Variants in ABLIM3 observed in about 807,000 individuals in gnomAD.
ABLIM3 encodes the protein actin-binding LIM protein 3.
In ABLIM3, 61 loss-of-function variants were observed where a neutral mutation model predicts 109.5. The ratio of observed to expected loss-of-function variants is 0.56; its 90% confidence interval spans 0.45 to 0.69. ABLIM3 has a LOEUF of 0.69. ABLIM3 is among the 30% of genes least tolerant of loss of function. The probability of loss-of-function intolerance (pLI) is 0.00; values close to 1 mark genes in which losing one functional copy is unlikely to be tolerated. For synonymous variants in ABLIM3, 300 were observed against 324.8 expected, an observed-to-expected ratio of 0.92 and a Z score of 0.82; for missense variants, 796 against 889.5, an observed-to-expected ratio of 0.89 and a Z score of 1.34.
intron 2 of ABLIM3, among the ~76,000 whole-genome samples, chr5:149,159,447 T>C (rs1214945132): frequency 6.6e-6 from 1 of 152,212 alleles, no homozygotes; most frequent in Non-Finnish European, 1.5e-5. Context: ...TTGATTAAAC[T>C]GTTGTGGGCT....
At chr5:149,249,393 A>G (rs957743344) in intron 18 of ABLIM3, among the ~76,000 whole-genome samples, 3 of 152,226 alleles carry the variant, frequency 2.0e-5, no homozygotes, top group Non-Finnish European at 2.9e-5. Flanking sequence ...AGAAAACCAA[A>G]GCGTGATTAA....
At chr5:149,164,823 T>C (rs1754682341) in intron 2 of ABLIM3, among the ~76,000 whole-genome samples, 1 of 152,216 alleles carries the variant, frequency 6.6e-6, no homozygotes, top group South Asian at 2.1e-4. Context: ...TATATGTAGA[T>C]GATCATATTT....
Position 149,230,693 on chromosome 5 carries a change from G to A in ABLIM3, c.802G>A (p.Glu268Lys), listed in dbSNP as rs747269067. The change falls in exon 9 of 24, where the codon GAG becomes AAG. Residue 268 changes from glutamate (E) to lysine (K), a missense_variant. Coordinates refer to ENST00000309868, the MANE Select transcript of ABLIM3 (RefSeq NM_014945.5). ...CATCTGCAAACAGGCAGCCCGGGCA[G>A]AGAAGAAGTTAAAGGTAAGCAAGCT... ...HPICKQAARA[E>K]KKLKHRRTSE... is the part of the protein sequence containing the mutation. 2 of 1,614,070 alleles carry A rather than the reference G, an allele frequency of 1.2e-6. No homozygotes were observed. Among genetic ancestry groups the A allele is most frequent in the East Asian group, 2.2e-5 (1 of 44,862 alleles).
At position 149,259,103 on chromosome 5, in the gene ABLIM3, C is replaced by T. The variant is rs1754693765; in HGVS notation, c.*699C>T. The T allele has an allele frequency of 4.9e-6, 5 of 1,012,268 alleles. No homozygotes were observed. Among genetic ancestry groups the T allele is most frequent in the Non-Finnish European group, 5.9e-6 (5 of 846,338 alleles). 62.7% of individuals were successfully genotyped at this position (1,012,268 alleles called of 1,614,324 possible). A position where few individuals can be genotyped will look rare whatever the true frequency, so the allele number is the denominator to read the frequency against. On this transcript the variant is annotated 3_prime_UTR_variant, in exon 24 of 24. Transcript: ENST00000309868. Reference sequence around the variant, plus strand: ...AAGGAAAAGGCCCTTCCCTTCCCTCCACCACTTCCAACTGGCCCCTTTGCC... The same window carrying T: ...AAGGAAAAGGCCCTTCCCTTCCCTCTACCACTTCCAACTGGCCCCTTTGCC...
chr5:149,213,845 T>G (rs1759796814), intron 7 of ABLIM3, among the ~76,000 whole-genome samples: 1 of 152,126 alleles, frequency 6.6e-6, no homozygotes, highest in African/African-American at 2.4e-5. Flanking sequence ...GGAAGAGACT[T>G]TTAGCAATCA....
At chr5:149,208,984 T>C (rs529109730) in intron 6 of ABLIM3, among the ~76,000 whole-genome samples, 8 of 152,172 alleles carry the variant, frequency 5.3e-5, no homozygotes, top group Admixed American at 4.6e-4. Flanking sequence ...GCCAGGGCAG[T>C]AGGGGAGTGT....
At chr5:149,154,808 C>A (rs955308507) in intron 2 of ABLIM3, among the ~76,000 whole-genome samples, 1 of 152,204 alleles carries the variant, frequency 6.6e-6, no homozygotes, top group African/African-American at 2.4e-5. Context: ...CCTGCACACT[C>A]AACATGGTGT....
chr5:149,178,354 C>G (rs142079526), intron 2 of ABLIM3, among the ~76,000 whole-genome samples: 7 of 152,262 alleles, frequency 4.6e-5, no homozygotes, highest in Non-Finnish European at 7.4e-5. Context: ...TGTGGCATCC[C>G]CTGGGCCCTG....
intron 8 of ABLIM3, among the ~76,000 whole-genome samples, chr5:149,222,628 C>T (rs1486195260): frequency 6.6e-6 from 1 of 150,952 alleles, no homozygotes; most frequent in Non-Finnish European, 1.5e-5. Context: ...ACCCCAAACC[C>T]TTCTCTTGTG....
chr5:149,255,139 TC>T (rs1196899616), intron 23 of ABLIM3, among the ~76,000 whole-genome samples: 2 of 152,360 alleles, frequency 1.3e-5, no homozygotes, highest in East Asian at 3.9e-4. Context: ...CTAAAGCTGA[TC>T]ACCTAGTGAT....
chr5:149,163,526 C>T (rs1205274240), intron 2 of ABLIM3, among the ~76,000 whole-genome samples: 1 of 152,116 alleles, frequency 6.6e-6, no homozygotes, highest in African/African-American at 2.4e-5. Flanking sequence ...TTGGTTTCTT[C>T]TGAGTCCTCT....
rs186412435 is a variant in ABLIM3 at position 149,172,396 on chromosome 5, C to G, written c.14-11056C>G. 6.6e-5 allele frequency among the ~76,000 whole-genome samples: 10 copies of G among 152,254 alleles called. No individual in the cohort carries two copies. The East Asian group carries it at 1.9e-3, about 29-fold the overall frequency. On this transcript the variant is annotated intron_variant, in intron 2 of 23. Coordinates refer to ENST00000309868, the MANE Select transcript of ABLIM3 (RefSeq NM_014945.5). ...CCTCCAGTGGGTCATGGTCAAAAAA[C>G]GTTTGAAAACCACCGCCTGCCCCTG...
Position 149,259,699 on chromosome 5 carries a change from C to A in ABLIM3, c.*1295C>A. The A allele has an allele frequency of 8.8e-7, 1 of 1,138,446 alleles. No individual in the cohort carries two copies. Among genetic ancestry groups the A allele is most frequent in the Non-Finnish European group, 1.3e-6 (1 of 791,168 alleles). 70.5% of individuals were successfully genotyped at this position (1,138,446 alleles called of 1,614,324 possible). The stretch of plus-strand genomic sequence containing the variant: ...TTAACCTCTCTTCTCCTCTCCAAAC[C>A]TTTCACCTTGAATGGGTAATGTTTG... On this transcript the variant is annotated 3_prime_UTR_variant, in exon 24 of 24. Coordinates refer to ENST00000309868, the MANE Select transcript of ABLIM3 (RefSeq NM_014945.5).
chr5:149,211,174 A>G (rs1759520720), intron 7 of ABLIM3, among the ~76,000 whole-genome samples: 1 of 151,734 alleles, frequency 6.6e-6, no homozygotes, highest in Admixed American at 6.6e-5. Flanking sequence ...TTATTTAATT[A>G]TTTATTTTGT....
intron 14 of ABLIM3, among the ~76,000 whole-genome samples, chr5:149,241,261 G>A (rs145706941): frequency 2.4e-4 from 37 of 152,322 alleles, no homozygotes; most frequent in African/African-American, 7.5e-4. Flanking sequence ...CCCAGATCCT[G>A]CCTTCATGGT....
In ABLIM3 at chr5:149,247,869, A is replaced by C; in HGVS notation, c.1639A>C (p.Ser547Arg). 1 of 1,614,210 alleles carries C rather than the reference A, an allele frequency of 6.2e-7. No homozygotes were observed. The change falls in exon 18 of 24, where the codon AGC becomes CGC. Residue 547 changes from serine (S) to arginine (R), a missense_variant. By Grantham distance (110) the Ser-to-Arg change is moderately radical. Coordinates refer to ENST00000309868, the MANE Select transcript of ABLIM3 (RefSeq NM_014945.5). ...TGCAGATCCCTGGACCCCTCCCCGG[A>C]GCTCCACCAGCAGCCGGGAAGCCCT... Reference protein sequence around the residue: ...SYADPWTPPRSSTSSREALHT... With the variant: ...SYADPWTPPRRSTSSREALHT...
intron 3 of ABLIM3, among the ~76,000 whole-genome samples, chr5:149,188,639 C>T (rs1391625446): frequency 6.6e-6 from 1 of 152,210 alleles, no homozygotes. Context: ...AGCCAGCAAA[C>T]TCTCTAGTGT....
rs1419099916 is a variant in ABLIM3 at position 149,226,002 on chromosome 5, A to G, written c.758-4647A>G. The stretch of plus-strand genomic sequence containing the variant: ...TGTGTGTATATATATATATATATAT[A>G]TATATATATATATATATATATATAT... On this transcript the variant is annotated intron_variant, in intron 8 of 23. Transcript: ENST00000309868. Among the ~76,000 whole-genome samples the G allele has an allele frequency of 1.6e-3, 192 of 118,588 alleles. 2 individuals carry two copies. Among genetic ancestry groups the G allele is most frequent in the African/African-American group, 8.1e-3 (177 of 21,748 alleles). 77.8% of individuals were successfully genotyped at this position (118,588 alleles called of 152,430 possible).
At chr5:149,143,805 T>C (rs1248530201) in intron 2 of ABLIM3, among the ~76,000 whole-genome samples, 1 of 152,146 alleles carries the variant, frequency 6.6e-6, no homozygotes, top group African/African-American at 2.4e-5. Context: ...GTGGGTCACA[T>C]GTTTGCATTT....
Sources: allele counts gnomAD v4.1 joint callset (sites outside exome capture counted in the v4.1 genomes callset), GRCh38; gene constraint gnomAD v4.1.1; transcripts MANE v1.5; gene names NCBI Gene and HGNC (gene_info 2026-07-23, HGNC 2026-07-21).